LHFPL3: variants seen among roughly 807,000 people sequenced by gnomAD.
LHFPL3 encodes LHFPL tetraspan subfamily member 3, also known as LHFPL tetraspan subfamily member 3 protein.
A neutral mutation model predicts 19.3 loss-of-function variants in LHFPL3; 5 were observed. That is an observed-to-expected ratio of 0.26 (90% CI 0.14 to 0.54). The LOEUF is 0.54. LHFPL3 is among the 20% of genes least tolerant of loss of function. The probability of loss-of-function intolerance (pLI) is 0.94; values close to 1 mark genes in which losing one functional copy is unlikely to be tolerated. For synonymous variants in LHFPL3, 133 were observed against 126.2 expected (o/e 1.05, Z -0.36); for missense variants, 249 against 307.4 (o/e 0.81, Z 1.42).
chr7:104,613,058 G>T (rs934378336), intron 1 of LHFPL3, among the ~76,000 whole-genome samples: 1 of 152,146 alleles, frequency 6.6e-6, no homozygotes, highest in Non-Finnish European at 1.5e-5. Flanking sequence ...GCAAGTAGGG[G>T]CTGGATAAGT....
intron 2 of LHFPL3, among the ~76,000 whole-genome samples, chr7:104,767,152 CATTA>C (rs1427580929): frequency 6.6e-6 from 1 of 152,096 alleles, no homozygotes; most frequent in East Asian, 1.9e-4. Context: ...TCAAAGTAAC[CATTA>C]TTTACAGACT....
chr7:104,408,427 C>A (rs775334718), intron 1 of LHFPL3, among the ~76,000 whole-genome samples: 3 of 151,858 alleles, frequency 2.0e-5, no homozygotes, highest in Admixed American at 6.6e-5. Flanking sequence ...TACTAGCTAG[C>A]AATTCGCTCA....
intron 2 of LHFPL3, among the ~76,000 whole-genome samples, chr7:104,753,917 G>T (rs986662673): frequency 6.6e-6 from 1 of 152,226 alleles, no homozygotes; most frequent in Non-Finnish European, 1.5e-5. Context: ...CGTGCTGCCA[G>T]TGGGAGTGCA....
intron 1 of LHFPL3, among the ~76,000 whole-genome samples, chr7:104,429,591 C>T (rs1791916758): frequency 6.6e-6 from 1 of 151,918 alleles, no homozygotes; most frequent in Non-Finnish European, 1.5e-5. Context: ...GCTGGGATTA[C>T]AGGCATGAGC....
At chr7:104,514,802 A>C (rs1793889494) in intron 1 of LHFPL3, among the ~76,000 whole-genome samples, 1 of 152,196 alleles carries the variant, frequency 6.6e-6, no homozygotes, top group Non-Finnish European at 1.5e-5. Flanking sequence ...TAAATTCTCT[A>C]GGGTGATTGA....
intron 1 of LHFPL3, among the ~76,000 whole-genome samples, chr7:104,467,154 GA>G (rs1792804761): frequency 6.6e-6 from 1 of 152,154 alleles, no homozygotes; most frequent in Non-Finnish European, 1.5e-5. Context: ...CATAGTCAGT[GA>G]CATCGAGTTT....
At chr7:104,334,050 G>A (rs543012554) in intron 1 of LHFPL3, among the ~76,000 whole-genome samples, 1 of 152,328 alleles carries the variant, frequency 6.6e-6, no homozygotes, top group African/African-American at 2.4e-5. Flanking sequence ...GTATTATTTA[G>A]TGTCTGGTTT....
At chr7:104,564,047 AATATCTC>A (rs1437280357) in intron 1 of LHFPL3, among the ~76,000 whole-genome samples, 1 of 152,196 alleles carries the variant, frequency 6.6e-6, no homozygotes, top group Non-Finnish European at 1.5e-5. Flanking sequence ...CTACACATAC[AATATCTC>A]ATTTGATCCT....
intron 1 of LHFPL3, among the ~76,000 whole-genome samples, chr7:104,650,335 C>G (rs1792009019): frequency 6.6e-6 from 1 of 152,144 alleles, no homozygotes; most frequent in Non-Finnish European, 1.5e-5. Context: ...GCTGAAGAAC[C>G]TATACCATAG....
At chr7:104,846,004 T>A (rs758913837) in intron 2 of LHFPL3, among the ~76,000 whole-genome samples, 7 of 152,236 alleles carry the variant, frequency 4.6e-5, no homozygotes, top group Non-Finnish European at 1.0e-4. Context: ...TACACATATG[T>A]ATGCGATGGA....
intron 2 of LHFPL3, among the ~76,000 whole-genome samples, chr7:104,898,862 A>C (rs549339505): frequency 6.6e-6 from 1 of 152,186 alleles, no homozygotes; most frequent in South Asian, 2.1e-4. Flanking sequence ...CATGCCTATA[A>C]TCTCAGCACT....
chr7:104,787,952 A>C (rs1361967248), intron 2 of LHFPL3, among the ~76,000 whole-genome samples: 1 of 152,158 alleles, frequency 6.6e-6, no homozygotes, highest in Non-Finnish European at 1.5e-5. Flanking sequence ...TCAACAAATG[A>C]ATTAAAGGGG....
intron 1 of LHFPL3, among the ~76,000 whole-genome samples, chr7:104,732,154 A>G (rs183164844): frequency 0.011 from 1,701 of 152,298 alleles, 31 homozygotes; most frequent in African/African-American, 0.038. Context: ...TTTTGCATCA[A>G]TGTTCATCAG....
chr7:104,417,851 TTTCTAA>T (rs1562890907), intron 1 of LHFPL3, among the ~76,000 whole-genome samples: 2 of 148,890 alleles, frequency 1.3e-5, no homozygotes, highest in African/African-American at 5.0e-5. Flanking sequence ...CGTATTTTCT[TTTCTAA>T]TTCTTCTTCT....
At chr7:104,554,319 T>C (rs1428476158) in intron 1 of LHFPL3, among the ~76,000 whole-genome samples, 2 of 152,144 alleles carry the variant, frequency 1.3e-5, no homozygotes, top group Non-Finnish European at 2.9e-5. Flanking sequence ...ATTTTTCTTA[T>C]GCATTCTAGA....
At chr7:104,454,057 A>G (rs1383364560) in intron 1 of LHFPL3, among the ~76,000 whole-genome samples, 1 of 152,196 alleles carries the variant, frequency 6.6e-6, no homozygotes, top group African/African-American at 2.4e-5. Flanking sequence ...CTACAGTTTA[A>G]TTGGGCTCAG....
Position 104,476,438 on chromosome 7 carries a change from C to T in LHFPL3, c.445+147214C>T, listed in dbSNP as rs1414268122. ...GACAGAGTTCCAAGAAATCAATGCT[C>T]TTTAGCTTCCCTCTTTTTTTTTTTT... On this transcript the variant is annotated intron_variant, in intron 1 of 2. Coordinates refer to ENST00000424859, the MANE Select transcript of LHFPL3 (RefSeq NM_199000.3). Among the ~76,000 whole-genome samples, 13 of 148,386 alleles carry T rather than the reference C, an allele frequency of 8.8e-5. No homozygotes were observed. The Admixed American group carries it at 8.8e-4, about 10-fold the overall frequency.
At chr7:104,468,721 C>A (rs113920304) in intron 1 of LHFPL3, among the ~76,000 whole-genome samples, 1 of 147,300 alleles carries the variant, frequency 6.8e-6, no homozygotes, top group South Asian at 2.1e-4. Context: ...TGCAGTGGTG[C>A]GATCTCGGCT....
intron 1 of LHFPL3, among the ~76,000 whole-genome samples, chr7:104,580,535 G>A (rs1223796342): frequency 6.6e-6 from 1 of 152,024 alleles, no homozygotes; most frequent in Non-Finnish European, 1.5e-5. Context: ...AAGCACTTCA[G>A]CATGCATATA....
Sources: gnomAD v4.1 joint callset for allele counts (sites outside exome capture counted in the v4.1 genomes callset) on GRCh38, gnomAD v4.1.1 for gene constraint, MANE v1.5 for transcripts, NCBI Gene and HGNC (gene_info 2026-07-23, HGNC 2026-07-21) for gene names.